Variants in VWA3B observed in about 807,000 individuals in gnomAD.
VWA3B encodes the protein von Willebrand factor A domain-containing protein 3B.
Under a neutral mutation model 158.3 loss-of-function variants are expected in VWA3B, and 138 were observed. The ratio of observed to expected loss-of-function variants is 0.87; its 90% CI spans 0.76 to 1.00. The LOEUF is 1.00. Among genes scored for constraint, VWA3B ranks in the 50% least tolerant of loss-of-function variants. The pLI is 0.00. For missense variants in VWA3B, 1,555 were observed against 1,565.1 expected (o/e 0.99, Z 0.11); for synonymous variants, 596 against 587.3 (o/e 1.01, Z -0.21).
In VWA3B at chr2:98,119,709, T is replaced by G; in HGVS notation, c.488T>G (p.Leu163Arg). The change falls in exon 4 of 28, where the codon CTA becomes CGA. Residue 163 changes from leucine to arginine, a missense_variant. Transcript: ENST00000477737. ...GAGCTTGATCTGTGCCGAGAGGCTC[T>G]AACAATGGTTCTCCAGGAGCAGGTG... ...EGELDLCREA[L>R]TMVLQEQVAH... The G allele has an allele frequency of 6.2e-7, 1 of 1,614,222 alleles. No homozygotes were observed. The highest frequency in any genetic ancestry group is 1.1e-5 in the South Asian group (1 of 91,082).
chr2:98,135,621 C>T (rs915271598), intron 7 of VWA3B, among the ~76,000 whole-genome samples: 3 of 152,028 alleles, frequency 2.0e-5, no homozygotes, highest in African/African-American at 4.8e-5. Flanking sequence ...AGGCGTGAGC[C>T]ACCGCGCCCG....
chr2:98,119,478 T>C (rs764633153), intron 3 of VWA3B, 35 bp from the exon 4 acceptor site: 1 of 1,607,304 alleles, frequency 6.2e-7, no homozygotes. Context: ...TATTTTGGTG[T>C]TGTTTTATTG....
intron 22 of VWA3B, among the ~76,000 whole-genome samples, chr2:98,273,615 G>A (rs946192270): frequency 4.9e-4 from 74 of 152,118 alleles, no homozygotes; most frequent in Non-Finnish European, 8.8e-5. Context: ...TTCCCTGTCT[G>A]CTTGCTCTTT....
Position 98,121,364 on chromosome 2 carries a change from C to G in VWA3B, c.608C>G (p.Thr203Ser), listed in dbSNP as rs199986829. ...ATPVTEQSIA[T>S]AISWVEKLTV... ...CCTGTGACCGAACAGTCCATAGCTA[C>G]TGCCATCAGTTGGGTTGAGAAACTG... The change falls in exon 5 of 28, where the codon ACT becomes AGT. Residue 203 changes from threonine (T) to serine (S), a missense_variant. Transcript: ENST00000477737. The G allele has an allele frequency of 6.2e-7, 1 of 1,614,216 alleles. No homozygotes were observed. The highest frequency in any genetic ancestry group is 2.2e-5 in the East Asian group (1 of 44,888).
In VWA3B at chr2:98,254,290, A is replaced by G. The variant is rs75444023; in HGVS notation, c.2793-1834A>G. Among the ~76,000 whole-genome samples the G allele has an allele frequency of 6.1e-3, 933 of 152,258 alleles. 14 individuals carry two copies. Among genetic ancestry groups the G allele is most frequent in the African/African-American group, 0.021 (892 of 41,506 alleles). On this transcript the variant is annotated intron_variant, in intron 20 of 27. Transcript: ENST00000477737. The stretch of plus-strand genomic sequence containing the variant: ...GATCACACAGCAGCAAAGTGAGGAC[A>G]CCAAGGTTTGAACCCAGAGCCCTTA...
intron 22 of VWA3B, among the ~76,000 whole-genome samples, chr2:98,288,039 C>T (rs1316128029): frequency 6.6e-6 from 1 of 152,068 alleles, no homozygotes; most frequent in Non-Finnish European, 1.5e-5. Flanking sequence ...GAGTATTTAC[C>T]CTTTACCTCA....
intron 22 of VWA3B, among the ~76,000 whole-genome samples, chr2:98,272,586 T>A (rs117613411): frequency 6.6e-6 from 1 of 152,108 alleles, no homozygotes; most frequent in African/African-American, 2.4e-5. Context: ...GCGCTGAAAG[T>A]CTTAACTCTC....
chr2:98,161,853 C>G (rs538185149), intron 7 of VWA3B, among the ~76,000 whole-genome samples: 9 of 152,002 alleles, frequency 5.9e-5, no homozygotes, highest in African/African-American at 1.2e-4. Flanking sequence ...ATTACAGGCA[C>G]GGGCCACCAC....
intron 8 of VWA3B, among the ~76,000 whole-genome samples, chr2:98,173,537 T>C (rs1310276666): frequency 3.3e-5 from 5 of 152,244 alleles, no homozygotes; most frequent in Admixed American, 3.3e-4. Context: ...GATTAATTGC[T>C]GAAAATTTTC....
At chr2:98,170,164 G>C (rs970878612) in intron 8 of VWA3B, among the ~76,000 whole-genome samples, 4 of 152,114 alleles carry the variant, frequency 2.6e-5, no homozygotes, top group African/African-American at 9.7e-5. Flanking sequence ...ATCAATCAAT[G>C]AATAGAATTT....
chr2:98,253,005 G>A (rs1036355502), intron 20 of VWA3B, among the ~76,000 whole-genome samples: 4 of 151,810 alleles, frequency 2.6e-5, no homozygotes, highest in African/African-American at 9.7e-5. Context: ...TTATTATTTG[G>A]TATCACTAAT....
intron 23 of VWA3B, among the ~76,000 whole-genome samples, chr2:98,293,103 G>A (rs1689596699): frequency 6.6e-6 from 1 of 152,196 alleles, no homozygotes; most frequent in South Asian, 2.1e-4. Flanking sequence ...CCATGCTTGT[G>A]TGATGAGAAA....
At chr2:98,170,713 T>C (rs1679511661) in intron 8 of VWA3B, among the ~76,000 whole-genome samples, 1 of 152,108 alleles carries the variant, frequency 6.6e-6, no homozygotes, top group South Asian at 2.1e-4. Flanking sequence ...TTCAAGTGAT[T>C]GTCCTGCCTC....
At chr2:98,257,023 G>T (rs7606489) in intron 21 of VWA3B, among the ~76,000 whole-genome samples, 88,111 of 151,862 alleles carry the variant, frequency 0.58, 26,000 homozygotes, top group South Asian at 0.82. Context: ...CTACTGTGTT[G>T]TCAAGTGTTA....
At chr2:98,102,884 A>T (rs1010037385) in intron 2 of VWA3B, among the ~76,000 whole-genome samples, 5 of 152,366 alleles carry the variant, frequency 3.3e-5, no homozygotes, top group Admixed American at 6.5e-5. Flanking sequence ...TAAAAAATTC[A>T]ATTTATTTAA....
intron 2 of VWA3B, among the ~76,000 whole-genome samples, chr2:98,094,212 C>T (rs114375824): frequency 1.7e-3 from 260 of 152,214 alleles, no homozygotes; most frequent in African/African-American, 5.9e-3. Flanking sequence ...TTTTGAGGAA[C>T]CTCCATACTG....
intron 13 of VWA3B, chr2:98,216,991 G>T (rs769650041): frequency 1.7e-6 from 1 of 602,774 alleles, no homozygotes; most frequent in East Asian, 9.9e-5. Context: ...CACCCGCCCC[G>T]CACCCAGTCT....
chr2:98,321,880 G>A, the VWA3B span, among the ~76,000 whole-genome samples: 1 of 152,182 alleles, frequency 6.6e-6, no homozygotes, highest in African/African-American at 2.4e-5. Context: ...ATCTCATCTT[G>A]AATTTTAGCT....
chr2:98,187,330 C>T (rs1681157999), intron 9 of VWA3B, among the ~76,000 whole-genome samples: 1 of 152,070 alleles, frequency 6.6e-6, no homozygotes, highest in Non-Finnish European at 1.5e-5. Context: ...GTTTGTATTC[C>T]TGGTGTCTTA....
Sources: allele counts gnomAD v4.1 joint callset (sites outside exome capture counted in the v4.1 genomes callset), GRCh38; gene constraint gnomAD v4.1.1; transcripts MANE v1.5; gene names NCBI Gene and HGNC (gene_info 2026-07-23, HGNC 2026-07-21).